THBS2: variants seen among roughly 807,000 people sequenced by gnomAD.
The protein encoded by THBS2 is thrombospondin 2.
Under a neutral mutation model 135.2 loss-of-function variants are expected in THBS2, and 47 were observed. That is an observed-to-expected ratio of 0.35 (90% confidence interval 0.28 to 0.44). The LOEUF (loss-of-function observed/expected upper bound fraction) is 0.44. Ranked by LOEUF, THBS2 falls within the 20% of genes least tolerant of loss-of-function variation. The probability of loss-of-function intolerance (pLI) is 1.00; values close to 1 mark genes in which losing one functional copy is unlikely to be tolerated. For missense variants in THBS2, 1,288 were observed against 1,603.1 expected (o/e 0.80, Z 3.36); for synonymous variants, 639 against 633.8 (o/e 1.01, Z -0.12).
chr6:169,229,145 A>G (rs1779745820), intron 14 of THBS2, among the ~76,000 whole-genome samples: 1 of 152,208 alleles, frequency 6.6e-6, no homozygotes, highest in South Asian at 2.1e-4. Context: ...ATCTTGATCT[A>G]TTCTTGCTAG....
chr6:169,229,472 G>T, intron 14 of THBS2, 100 bp downstream of exon 14: 1 of 875,304 alleles, frequency 1.1e-6, no homozygotes, highest in South Asian at 1.5e-5. Context: ...GCAGGACAAT[G>T]GCAGTTACGT....
chr6:169,230,883 C>G (rs894762341), intron 13 of THBS2, among the ~76,000 whole-genome samples: 2 of 152,056 alleles, frequency 1.3e-5, no homozygotes, highest in Non-Finnish European at 2.9e-5. Context: ...TCAAGCGGGA[C>G]TGACAGAGAA....
At chr6:169,226,886 A>G (rs1304930786) in intron 15 of THBS2, among the ~76,000 whole-genome samples, 1 of 152,192 alleles carries the variant, frequency 6.6e-6, no homozygotes, top group East Asian at 1.9e-4. Context: ...GCCAGAACTG[A>G]GCTGAGACGC....
At chr6:169,227,824 G>A (rs530139073) in intron 15 of THBS2, among the ~76,000 whole-genome samples, 42 of 152,244 alleles carry the variant, frequency 2.8e-4, no homozygotes, top group East Asian at 3.9e-4. Context: ...GCTCACGCCT[G>A]TAATCCCAGC....
In THBS2 at chr6:169,221,449, G is replaced by A. The variant is rs1385923484; in HGVS notation, c.3352C>T (p.Pro1118Ser). 12 of 1,613,848 alleles carry A rather than the reference G, an allele frequency of 7.4e-6. No individual in the cohort carries two copies. Among genetic ancestry groups the A allele is most frequent in the Non-Finnish European group, 9.3e-6 (11 of 1,180,014 alleles). Residue 1118 changes from proline to serine, a missense_variant, in exon 20 of 22, where the codon CCC (proline) becomes TCC (serine). Coordinates refer to ENST00000617924, the MANE Select transcript of THBS2 (RefSeq NM_003247.5). ...CCTCACCTGATGTAGCCAGTCTTGGGCCTGTGAGTCAGGTGCCACCTATAG... is the reference window on the plus strand; with the variant it reads ...CCTCACCTGATGTAGCCAGTCTTGGACCTGTGAGTCAGGTGCCACCTATAG... ...TAYRWHLTHR[P>S]KTGYIRVLVH...
chr6:169,219,380 GATGA>G (rs1252115994), intron 21 of THBS2, among the ~76,000 whole-genome samples: 5 of 148,428 alleles, frequency 3.4e-5, no homozygotes, highest in African/African-American at 2.5e-5. Flanking sequence ...GAGATGGGTG[GATGA>G]ATGGATGGAT....
rs1779892760 is a variant in THBS2, at chr6:169,232,770, C to T, written c.1826G>A (p.Arg609His). The change falls in exon 12 of 22, where the codon CGC becomes CAC. Residue 609 changes from arginine to histidine, a missense_variant. By Grantham distance (29) the Arg-to-His change is conservative (BLOSUM62 0). Transcript: ENST00000617924. The stretch of plus-strand genomic sequence containing the variant: ...GAAGCCAGGCTGAGTGTTGACACAG[C>T]GAGGCACCTTGCTGGTGGAGAAGCA... The part of the protein sequence containing the change: ...DICFSTSKVP[R>H]CVNTQPGFHC... 1.9e-6 allele frequency: 3 copies of T among 1,613,954 alleles called. No individual in the cohort carries two copies. Among genetic ancestry groups the T allele is most frequent in the Non-Finnish European group, 2.5e-6 (3 of 1,179,922 alleles).
At chr6:169,247,552 G>C (rs1780594030) in intron 3 of THBS2, among the ~76,000 whole-genome samples, 1 of 152,032 alleles carries the variant, frequency 6.6e-6, no homozygotes, top group Non-Finnish European at 1.5e-5. Flanking sequence ...TGTATGTATG[G>C]TGTTTGTGTA....
At chr6:169,231,566 G>A (rs899408613) in intron 13 of THBS2, among the ~76,000 whole-genome samples, 1 of 152,178 alleles carries the variant, frequency 6.6e-6, no homozygotes, top group Non-Finnish European at 1.5e-5. Context: ...ACTGCAACAC[G>A]CTTGGGCTTT....
At chr6:169,240,274 T>C (rs556931690) in intron 6 of THBS2, among the ~76,000 whole-genome samples, 178 bp downstream of exon 6, 1 of 152,228 alleles carries the variant, frequency 6.6e-6, no homozygotes, top group South Asian at 2.1e-4. Flanking sequence ...AACAAAGAGG[T>C]TGATTCAAGT....
At chr6:169,239,350 T>C (rs1490726135) in intron 7 of THBS2, 3 of 535,638 alleles carry the variant, frequency 5.6e-6, no homozygotes, top group African/African-American at 3.8e-5. Flanking sequence ...TGGGCTCAGC[T>C]TCCTCGTCTG....
At chr6:169,246,430 A>G (rs1345927616) in intron 3 of THBS2, 149 bp from the exon 4 acceptor site, 13 of 665,654 alleles carry the variant, frequency 2.0e-5, no homozygotes, top group Admixed American at 2.7e-5. Flanking sequence ...TCTCTTTATA[A>G]TCAGTTTTTC....
At chr6:169,227,344 G>A (rs969431116) in intron 15 of THBS2, among the ~76,000 whole-genome samples, 5 of 152,186 alleles carry the variant, frequency 3.3e-5, no homozygotes, top group African/African-American at 1.2e-4. Context: ...CGGTGACAGT[G>A]GCACTGGGTT....
rs558794329 is a variant in THBS2, at chr6:169,252,508, T to C, written c.-23+1216A>G. Among the ~76,000 whole-genome samples, 2 of 152,342 alleles carry C rather than the reference T, an allele frequency of 1.3e-5. No homozygotes were observed. The highest frequency in any genetic ancestry group is 4.1e-4 in the South Asian group (2 of 4,830). ...GATGCCCAGCTTCATAAGGACAGGTTAGAAAAACTAAATCAAACTCCTTTG... is the reference window on the plus strand; with the variant it reads ...GATGCCCAGCTTCATAAGGACAGGTCAGAAAAACTAAATCAAACTCCTTTG... On this transcript the variant is annotated intron_variant, in intron 1 of 21. Coordinates refer to ENST00000617924, the MANE Select transcript of THBS2 (RefSeq NM_003247.5). This position sits in a 1 kb window ranked among gnomAD's most constrained non-coding sequence, Gnocchi z 4.3.
intron 9 of THBS2, among the ~76,000 whole-genome samples, chr6:169,235,555 G>T (rs867342895): frequency 1.3e-5 from 2 of 151,966 alleles, no homozygotes; most frequent in African/African-American, 4.8e-5. Flanking sequence ...TGGGCCAAGC[G>T]CTCTGTAACT....
At chr6:169,242,094 C>T (rs538897076) in intron 4 of THBS2, 136 bp from the exon 5 acceptor site, 2 of 1,003,144 alleles carry the variant, frequency 2.0e-6, no homozygotes, top group Non-Finnish European at 2.8e-6. Flanking sequence ...GAGGACTGGG[C>T]CAGCAGCAGA....
At position 169,222,216 on chromosome 6, in the gene THBS2, G is replaced by A. The variant is rs1474146886; in HGVS notation, c.3254C>T (p.Thr1085Met). 4.3e-6 allele frequency: 7 copies of A among 1,609,302 alleles called. No individual in the cohort carries two copies. The highest frequency in any genetic ancestry group is 1.3e-5 in the African/African-American group (1 of 74,884). The change falls in exon 19 of 22, where the codon ACG becomes ATG. Residue 1085 changes from threonine to methionine, a missense_variant. Transcript: ENST00000617924. ...CCTCACCTGCCCCGGCGTGTTCCCC[G>A]TGTGCCACAGCGCGTTCCTCAGGTG... ...GEHLRNALWH[T>M]GNTPGQVRTL... is the part of the protein sequence containing the mutation.
Position 169,223,228 on chromosome 6 carries a change from G to C in THBS2, c.3001+20C>G. The stretch of plus-strand genomic sequence containing the variant: ...CCCCCGGAGAAATGCTGGCACCACC[G>C]CCGTGTCTCAGAGACTCACCTACAG... On this transcript the variant is annotated intron_variant, in intron 18 of 21. Coordinates refer to ENST00000617924, the MANE Select transcript of THBS2 (RefSeq NM_003247.5). 6.2e-7 allele frequency: 1 copy of C among 1,601,458 alleles called. No individual in the cohort carries two copies. The highest frequency in any genetic ancestry group is 8.5e-7 in the Non-Finnish European group (1 of 1,170,548).
chr6:169,243,639 G>C (rs1165439011), intron 4 of THBS2, among the ~76,000 whole-genome samples: 2 of 152,134 alleles, frequency 1.3e-5, no homozygotes, highest in African/African-American at 4.8e-5. Context: ...CACATTAATA[G>C]AGACAAAGAA....
Sources: gnomAD v4.1 joint callset for allele counts (sites outside exome capture counted in the v4.1 genomes callset) on GRCh38, gnomAD v4.1.1 for gene constraint, Gnocchi (gnomAD v3.1) non-coding constraint, MANE v1.5 for transcripts, NCBI Gene and HGNC (gene_info 2026-07-23, HGNC 2026-07-21) for gene names.